The following KCNB2 variants were observed in gnomAD, a reference collection of about 807,000 sequenced individuals.
KCNB2 encodes potassium voltage-gated channel subfamily B member 2.
In KCNB2, 15 loss-of-function variants were observed where a neutral mutation model predicts 61.5. The observed-to-expected ratio is 0.24, with a 90% CI of 0.16 to 0.38. The LOEUF is 0.38. Ranked by LOEUF, KCNB2 falls within the 10% of genes least tolerant of loss-of-function variation. The pLI is 1.00. For synonymous variants in KCNB2, 457 were observed against 446.0 expected (o/e 1.02, Z -0.31); for missense variants, 828 against 1,125.2 (o/e 0.74, Z 3.78).
At chr8:72,884,384 G>A (rs896978277) in intron 2 of KCNB2, among the ~76,000 whole-genome samples, 3 of 152,084 alleles carry the variant, frequency 2.0e-5, no homozygotes, top group African/African-American at 7.2e-5. Flanking sequence ...GGGGAGGGGA[G>A]TGGGTTGTGT....
At chr8:72,576,488 C>T (rs1316162235) in intron 2 of KCNB2, among the ~76,000 whole-genome samples, 1 of 152,168 alleles carries the variant, frequency 6.6e-6, no homozygotes, top group Non-Finnish European at 1.5e-5. Context: ...TGAAAATATT[C>T]TATCTCAGTA....
intron 2 of KCNB2, among the ~76,000 whole-genome samples, chr8:72,686,249 T>C (rs1806851173): frequency 6.6e-6 from 1 of 152,184 alleles, no homozygotes; most frequent in Non-Finnish European, 1.5e-5. Context: ...GAGTCTGCAG[T>C]ATGAGCTTGT....
chr8:72,786,736 G>C (rs1808851009), intron 2 of KCNB2, among the ~76,000 whole-genome samples: 2 of 152,214 alleles, frequency 1.3e-5, no homozygotes, highest in South Asian at 4.1e-4. Context: ...GCTTAATTCT[G>C]AATATTTCAA....
intron 2 of KCNB2, among the ~76,000 whole-genome samples, chr8:72,711,769 T>C (rs35671239): frequency 0.72 from 109,415 of 151,368 alleles, 40,780 homozygotes; most frequent in African/African-American, 0.9. Flanking sequence ...GTGGGCGGCA[T>C]TTGAGGTCAG....
intron 2 of KCNB2, among the ~76,000 whole-genome samples, chr8:72,666,346 C>A (rs1806472148): frequency 6.6e-6 from 1 of 152,016 alleles, no homozygotes; most frequent in African/African-American, 2.4e-5. Flanking sequence ...GAAAAAAGGC[C>A]CTTCCACTTT....
At chr8:72,600,023 A>C (rs1161944236) in intron 2 of KCNB2, among the ~76,000 whole-genome samples, 1 of 152,232 alleles carries the variant, frequency 6.6e-6, no homozygotes, top group Non-Finnish European at 1.5e-5. Context: ...ACCATTGTGG[A>C]AGTCAGTGTG....
intron 2 of KCNB2, among the ~76,000 whole-genome samples, chr8:72,837,435 A>C (rs1000201816): frequency 6.6e-6 from 1 of 152,146 alleles, no homozygotes; most frequent in Non-Finnish European, 1.5e-5. Context: ...TCACATTAAA[A>C]CGCTCTGATA....
chr8:72,781,814 A>C (rs1404439801), intron 2 of KCNB2, among the ~76,000 whole-genome samples: 2 of 152,190 alleles, frequency 1.3e-5, no homozygotes, highest in East Asian at 3.9e-4. Context: ...CTTTGCAGGG[A>C]CCTGGATAGA....
At chr8:72,571,411 T>C (rs2128979358) in intron 2 of KCNB2, among the ~76,000 whole-genome samples, 1 of 152,334 alleles carries the variant, frequency 6.6e-6, no homozygotes, top group African/African-American at 2.4e-5. Context: ...AAACAGCATT[T>C]AACAATGTGG....
At chr8:72,733,133 T>C (rs1018686374) in intron 2 of KCNB2, among the ~76,000 whole-genome samples, 1 of 152,220 alleles carries the variant, frequency 6.6e-6, no homozygotes, top group Admixed American at 6.5e-5. Context: ...AAGGTTATTG[T>C]TATTTAGTCT....
At chr8:72,725,605 A>ATGTATGTGTG (rs1157286215) in intron 2 of KCNB2, among the ~76,000 whole-genome samples, 2 of 54,286 alleles carry the variant, frequency 3.7e-5, no homozygotes, top group Non-Finnish European at 6.2e-5. Flanking sequence ...ATATATATAT[A>ATGTATGTGTG]TATATATATA....
rs1366557852 is a variant in KCNB2, at chr8:72,855,991, C to T, written c.580-79944C>T. Among the ~76,000 whole-genome samples the T allele has an allele frequency of 2.6e-5, 4 of 152,230 alleles. No individual in the cohort carries two copies. In the East Asian group the frequency reaches 7.7e-4, roughly 29 times the overall value. On this transcript the variant is annotated intron_variant, in intron 2 of 2. Coordinates refer to ENST00000523207, the MANE Select transcript of KCNB2 (RefSeq NM_004770.3). ...TCTGAAGATAGTTGTTACAGTGAAT[C>T]GTTTAGAGAATAACAAGAAAACAAG...
At chr8:72,611,186 TTTC>T (rs1176205448) in intron 2 of KCNB2, among the ~76,000 whole-genome samples, 2 of 152,202 alleles carry the variant, frequency 1.3e-5, no homozygotes. Flanking sequence ...TTATTAGTAT[TTTC>T]TTATAGATTT....
At chr8:72,797,364 A>G (rs182439835) in intron 2 of KCNB2, among the ~76,000 whole-genome samples, 1 of 152,346 alleles carries the variant, frequency 6.6e-6, no homozygotes, top group Admixed American at 6.5e-5. Context: ...GCTTACTAAT[A>G]AACATAATCC....
At chr8:72,857,979 A>AG (rs1283790710) in intron 2 of KCNB2, among the ~76,000 whole-genome samples, 1 of 152,198 alleles carries the variant, frequency 6.6e-6, no homozygotes, top group East Asian at 1.9e-4. Context: ...CCAAGAAAAA[A>AG]GGGAATTTTA....
At chr8:72,675,850 C>T (rs1360419386) in intron 2 of KCNB2, among the ~76,000 whole-genome samples, 1 of 152,100 alleles carries the variant, frequency 6.6e-6, no homozygotes, top group East Asian at 1.9e-4. Context: ...CCGCGCCTGG[C>T]CTGCAGTCTG....
intron 2 of KCNB2, among the ~76,000 whole-genome samples, chr8:72,771,211 A>G (rs1401092969): frequency 6.6e-6 from 1 of 152,234 alleles, no homozygotes; most frequent in Non-Finnish European, 1.5e-5. Context: ...GAGGAAGATG[A>G]TATGTAATTA....
chr8:72,907,226 A>G (rs1806194122), intron 2 of KCNB2, among the ~76,000 whole-genome samples: 1 of 152,150 alleles, frequency 6.6e-6, no homozygotes, highest in African/African-American at 2.4e-5. Flanking sequence ...GCATGGTGGC[A>G]CACGCCTGTA....
At chr8:72,616,940 T>C (rs976027025) in intron 2 of KCNB2, among the ~76,000 whole-genome samples, 13 of 152,232 alleles carry the variant, frequency 8.5e-5, no homozygotes, top group African/African-American at 2.7e-4. Context: ...CTCACGGCTC[T>C]TACACATTGC....
Sources: allele counts gnomAD v4.1 joint callset (sites outside exome capture counted in the v4.1 genomes callset), GRCh38; gene constraint gnomAD v4.1.1; transcripts MANE v1.5; gene names NCBI Gene and HGNC (gene_info 2026-07-23, HGNC 2026-07-21).